NOL4: variants seen among roughly 807,000 people sequenced by gnomAD.
The protein encoded by NOL4 is cancer/testis antigen 125.
NOL4 carries 17 observed loss-of-function variants against 75.9 expected under a neutral mutation model. The ratio of observed to expected loss-of-function variants is 0.22; its 90% CI spans 0.15 to 0.34. NOL4 has a LOEUF of 0.34. Among genes scored for constraint, NOL4 ranks in the 10% least tolerant of loss-of-function variants. The pLI is 1.00. For missense variants in NOL4, 614 were observed against 793.5 expected, an observed-to-expected ratio of 0.77 and a Z score of 2.72; for synonymous variants, 292 against 289.9, an observed-to-expected ratio of 1.01 and a Z score of -0.07.
intron 1 of NOL4, among the ~76,000 whole-genome samples, chr18:34,176,268 ATAT>A (rs2033537266): frequency 2.6e-5 from 4 of 152,100 alleles, no homozygotes; most frequent in Admixed American, 6.6e-5. Context: ...AAGTCAAGTG[ATAT>A]TATTATCTGA....
intron 6 of NOL4, among the ~76,000 whole-genome samples, chr18:34,010,491 A>G (rs1245691522): frequency 6.6e-6 from 1 of 151,916 alleles, no homozygotes; most frequent in Non-Finnish European, 1.5e-5. Flanking sequence ...TGATATACCA[A>G]TTTCCTTTAG....
chr18:34,025,650 C>T (rs1383199475), intron 5 of NOL4, among the ~76,000 whole-genome samples: 1 of 152,122 alleles, frequency 6.6e-6, no homozygotes, highest in African/African-American at 2.4e-5. Flanking sequence ...TATCCTTTAT[C>T]TGAAATTCCC....
rs189838352 is a variant in NOL4, at chr18:34,223,155, G to A, written c.99C>T (p.Tyr33=). Reference sequence around the variant, plus strand: ...CATTGAGGAGCTGGACGATCCGTTCGTATTTTTTACGGGTCACCGTCTTGG... The same window carrying A: ...CATTGAGGAGCTGGACGATCCGTTCATATTTTTTACGGGTCACCGTCTTGG... ...GKTKTVTRKK[Y]ERIVQLLNGS... The change falls in exon 1 of 11, where the codon TAC becomes TAT. Residue 33 remains tyrosine (Y), a synonymous_variant. Coordinates refer to ENST00000261592, the MANE Select transcript of NOL4 (RefSeq NM_003787.5). 1.5e-4 allele frequency: 238 copies of A among 1,614,206 alleles called. 2 individuals are homozygous for A. In the East Asian group the frequency reaches 5.2e-3, roughly 35 times the overall value.
chr18:34,206,572 C>A (rs189911236), intron 1 of NOL4, among the ~76,000 whole-genome samples: 1 of 152,030 alleles, frequency 6.6e-6, no homozygotes, highest in African/African-American at 2.4e-5. Context: ...GTCTTGTGGG[C>A]TTCATGGTTT....
At chr18:34,066,509 A>G (rs1344847799) in intron 5 of NOL4, among the ~76,000 whole-genome samples, 2 of 152,068 alleles carry the variant, frequency 1.3e-5, no homozygotes, top group Non-Finnish European at 2.9e-5. Context: ...CTATTTACAT[A>G]GAACTTGAAT....
chr18:33,941,831 T>C (rs1023081384), intron 9 of NOL4, among the ~76,000 whole-genome samples: 1 of 151,948 alleles, frequency 6.6e-6, no homozygotes, highest in Admixed American at 6.6e-5. Context: ...GATGGTATTA[T>C]ACATAGTGTT....
intron 1 of NOL4, chr18:34,221,264 GTAAAGATATCT>G (rs2037279118): frequency 6.6e-6 from 1 of 152,174 alleles, no homozygotes; most frequent in African/African-American, 2.4e-5. Flanking sequence ...AATACCTTAA[GTAAAGATATCT>G]TAAATGATTT....
intron 5 of NOL4, among the ~76,000 whole-genome samples, chr18:34,038,835 A>AATTT (rs2076022518): frequency 1.3e-5 from 2 of 152,114 alleles, no homozygotes; most frequent in South Asian, 4.1e-4. Flanking sequence ...TAACAGCCTA[A>AATTT]AGTGACTATG....
intron 2 of NOL4, among the ~76,000 whole-genome samples, chr18:34,120,259 C>T (rs1393737162): frequency 3.9e-5 from 6 of 152,084 alleles, no homozygotes; most frequent in Admixed American, 3.9e-4. Flanking sequence ...AATCATAGTG[C>T]CTATTTAAAG....
rs535698567 is a variant in NOL4 at position 33,982,061 on chromosome 18, C to T, written c.1057-23643G>A. On this transcript the variant is annotated intron_variant, in intron 6 of 10. Coordinates refer to ENST00000261592, the MANE Select transcript of NOL4 (RefSeq NM_003787.5). ...AGTAAAAATAAAAATATAATTGATA[C>T]GATAAGAAAGGAGAGAACATGGAAC... Among the ~76,000 whole-genome samples the T allele has an allele frequency of 5.3e-5, 8 of 151,764 alleles. No individual in the cohort carries two copies. The East Asian group carries it at 7.8e-4, about 15-fold the overall frequency.
chr18:34,135,638 C>A (rs1294027525), intron 1 of NOL4, among the ~76,000 whole-genome samples: 1 of 120,206 alleles, frequency 8.3e-6, no homozygotes, highest in East Asian at 2.9e-4. Flanking sequence ...CCAGAGCTTG[C>A]AGTGAGCCAA....
At chr18:34,003,559 A>G (rs955516630) in intron 6 of NOL4, among the ~76,000 whole-genome samples, 3 of 152,054 alleles carry the variant, frequency 2.0e-5, no homozygotes, top group African/African-American at 7.2e-5. Flanking sequence ...TCTTTTTCTT[A>G]TTAATTTTCC....
rs144115513 is a variant in NOL4 at position 33,916,455 on chromosome 18, G to C, written c.1542+26610C>G. ...GGCGTACTCTGTCAAAGTCATCTGGGAACTCTTTTATAGGTGGCTAGGATA... is the reference window on the plus strand; with the variant it reads ...GGCGTACTCTGTCAAAGTCATCTGGCAACTCTTTTATAGGTGGCTAGGATA... On this transcript the variant is annotated intron_variant, in intron 9 of 10. Coordinates refer to ENST00000261592, the MANE Select transcript of NOL4 (RefSeq NM_003787.5). 1.1e-3 allele frequency among the ~76,000 whole-genome samples: 164 copies of C among 152,160 alleles called. 3 individuals are homozygous for C. The East Asian group carries it at 0.031, about 28-fold the overall frequency.
chr18:34,164,942 G>A (rs991297221), intron 1 of NOL4, among the ~76,000 whole-genome samples: 1 of 151,960 alleles, frequency 6.6e-6, no homozygotes, highest in African/African-American at 2.4e-5. Context: ...TCCTTTGTAG[G>A]GACATGGATG....
At chr18:34,191,321 A>G (rs1383538176) in intron 1 of NOL4, among the ~76,000 whole-genome samples, 2 of 152,158 alleles carry the variant, frequency 1.3e-5, no homozygotes, top group African/African-American at 2.4e-5. Flanking sequence ...ACATACATAT[A>G]TAACATAATA....
intron 9 of NOL4, among the ~76,000 whole-genome samples, chr18:33,898,172 C>G (rs2065532443): frequency 6.6e-6 from 1 of 152,138 alleles, no homozygotes; most frequent in East Asian, 1.9e-4. Flanking sequence ...CTTGGCCTCC[C>G]AAAGTGCTAG....
rs1217100515 is a variant in NOL4 at position 34,223,932 on chromosome 18, TTC to T, written c.-681_-680del. On this transcript the variant is annotated 5_prime_UTR_variant, in exon 1 of 11. Transcript: ENST00000261592. ...CTGTCATGTTTTTAAACCTATCAAA[TTC>T]TGTTTTACAGAATTTTTTATCAAGA... 6.6e-6 allele frequency: 1 copy of T among 152,274 alleles called. No individual in the cohort carries two copies. The highest frequency in any genetic ancestry group is 2.4e-5 in the African/African-American group (1 of 41,472). The allele number at this position is 152,274 out of a possible 1,614,324, so 9.4% of individuals were successfully genotyped here. A position where few individuals can be genotyped will look rare whatever the true frequency, so the allele number is the denominator to read the frequency against.
chr18:34,066,719 T>C (rs960570180), intron 5 of NOL4, among the ~76,000 whole-genome samples: 5 of 151,034 alleles, frequency 3.3e-5, no homozygotes, highest in African/African-American at 4.8e-5. Context: ...GAAGTATAAG[T>C]GTATGTTCCT....
chr18:34,040,931 T>A (rs1440346969), intron 5 of NOL4, among the ~76,000 whole-genome samples: 2 of 151,936 alleles, frequency 1.3e-5, no homozygotes, highest in African/African-American at 4.8e-5. Context: ...ATATTAGAAA[T>A]GGGTGCAGAG....
Sources: gnomAD v4.1 joint callset for allele counts (sites outside exome capture counted in the v4.1 genomes callset) on GRCh38, gnomAD v4.1.1 for gene constraint, MANE v1.5 for transcripts, NCBI Gene and HGNC (gene_info 2026-07-23, HGNC 2026-07-21) for gene names.